The following MLLT10 variants were observed in gnomAD, a reference collection of about 807,000 sequenced individuals.
The protein encoded by MLLT10 is protein AF-10.
MLLT10 carries 30 observed loss-of-function variants against 129.1 expected under a neutral mutation model. That is an observed-to-expected ratio of 0.23 (90% CI 0.17 to 0.32). MLLT10 has a LOEUF of 0.32. MLLT10 is among the 10% of genes least tolerant of loss of function. The pLI is 1.00. For synonymous variants in MLLT10, 490 were observed against 446.4 expected, an observed-to-expected ratio of 1.10 and a Z score of -1.23; for missense variants, 1,119 against 1,268.3, an observed-to-expected ratio of 0.88 and a Z score of 1.79.
intron 3 of MLLT10, among the ~76,000 whole-genome samples, chr10:21,562,892 T>C (rs1588955293): frequency 7.2e-6 from 1 of 139,692 alleles, no homozygotes; most frequent in East Asian, 2.3e-4. Context: ...CGATCTTGGC[T>C]CACCACAGCC....
intron 5 of MLLT10, among the ~76,000 whole-genome samples, chr10:21,604,045 C>T (rs1360654398): frequency 6.6e-6 from 1 of 152,088 alleles, no homozygotes; most frequent in African/African-American, 2.4e-5. Context: ...AAGGACTTCA[C>T]ATACATTTCT....
At chr10:21,561,614 C>T (rs2038815948) in intron 3 of MLLT10, among the ~76,000 whole-genome samples, 1 of 152,102 alleles carries the variant, frequency 6.6e-6, no homozygotes, top group Non-Finnish European at 1.5e-5. Context: ...TTTTTGTGTG[C>T]AGTGTAAGAT....
intron 8 of MLLT10, among the ~76,000 whole-genome samples, chr10:21,640,215 T>C (rs1195974097): frequency 1.5e-5 from 2 of 136,026 alleles, no homozygotes; most frequent in South Asian, 2.1e-4. Flanking sequence ...TATTATATTA[T>C]ATTATATATT....
chr10:21,545,376 A>C (rs1472249920), intron 3 of MLLT10, among the ~76,000 whole-genome samples: 1 of 152,106 alleles, frequency 6.6e-6, no homozygotes, highest in African/African-American at 2.4e-5. Flanking sequence ...CTAGGTGTTC[A>C]GGAAAGAAAA....
chr10:21,685,472 T>A (rs1272693979), intron 13 of MLLT10, among the ~76,000 whole-genome samples: 1 of 152,044 alleles, frequency 6.6e-6, no homozygotes, highest in Non-Finnish European at 1.5e-5. Context: ...GTAGCTGGGA[T>A]TACAGGCGCC....
In MLLT10 at chr10:21,693,748, A is replaced by G. The variant is rs541340844; in HGVS notation, c.1699+11491A>G. Among the ~76,000 whole-genome samples, 39 of 152,306 alleles carry G rather than the reference A, an allele frequency of 2.6e-4. No homozygotes were observed. In the South Asian group the frequency reaches 6.8e-3, roughly 27 times the overall value. Reference sequence around the variant, plus strand: ...CTTTCTTCTGGAAGTTTTGTTAGGCATATTTGGATTTGAATACTGCCCTTA... The same window carrying G: ...CTTTCTTCTGGAAGTTTTGTTAGGCGTATTTGGATTTGAATACTGCCCTTA... On this transcript the variant is annotated intron_variant, in intron 13 of 22. Coordinates refer to ENST00000307729, the MANE Select transcript of MLLT10 (RefSeq NM_001195626.3).
intron 3 of MLLT10, among the ~76,000 whole-genome samples, chr10:21,555,055 A>G (rs2037707006): frequency 6.7e-6 from 1 of 149,968 alleles, no homozygotes; most frequent in Non-Finnish European, 1.5e-5. Flanking sequence ...TCCTGACCTC[A>G]GGTGATCCAC....
At chr10:21,641,636 C>G (rs958218997) in intron 8 of MLLT10, among the ~76,000 whole-genome samples, 1 of 152,086 alleles carries the variant, frequency 6.6e-6, no homozygotes, top group Non-Finnish European at 1.5e-5. Flanking sequence ...GCCTGGGTGG[C>G]AGAATGAGAC....
At chr10:21,594,648 G>A (rs547385338) in intron 4 of MLLT10, among the ~76,000 whole-genome samples, 1 of 147,534 alleles carries the variant, frequency 6.8e-6, no homozygotes, top group East Asian at 2.0e-4. Flanking sequence ...GCCAAAAACT[G>A]TACCTAGGAC....
chr10:21,539,358 C>G (rs1402829819), intron 3 of MLLT10, among the ~76,000 whole-genome samples: 1 of 151,264 alleles, frequency 6.6e-6, no homozygotes, highest in South Asian at 2.1e-4. Flanking sequence ...AGTTTAACTT[C>G]GAACACTCAC....
intron 12 of MLLT10, 95 bp downstream of exon 12, chr10:21,681,471 T>C: frequency 1.2e-6 from 1 of 808,058 alleles, no homozygotes; most frequent in Non-Finnish European, 2.0e-6. Flanking sequence ...TAAATTTTAA[T>C]ATTCCAAAAT....
chr10:21,616,267 G>T (rs995565486), intron 7 of MLLT10, among the ~76,000 whole-genome samples: 38 of 152,156 alleles, frequency 2.5e-4, no homozygotes, highest in Admixed American at 2.2e-3. Context: ...AATGGATTTT[G>T]AAGTTTGTGC....
chr10:21,549,299 A>G (rs1359096866), intron 3 of MLLT10, among the ~76,000 whole-genome samples: 3 of 151,526 alleles, frequency 2.0e-5, no homozygotes, highest in Non-Finnish European at 2.9e-5. Context: ...AATTTTTTGT[A>G]TTTTTAGTAG....
At chr10:21,656,792 A>G (rs2049631195) in intron 9 of MLLT10, among the ~76,000 whole-genome samples, 1 of 152,196 alleles carries the variant, frequency 6.6e-6, no homozygotes, top group South Asian at 2.1e-4. Context: ...ATACATAAGC[A>G]TTGTTCACTA....
chr10:21,681,227 A>T, intron 11 of MLLT10, 105 bp from the exon 12 acceptor site: 1 of 1,455,286 alleles, frequency 6.9e-7, no homozygotes, highest in Non-Finnish European at 9.5e-7. Context: ...CTACTTAACT[A>T]CACTTTTAGG....
At chr10:21,685,225 G>C (rs2131414575) in intron 13 of MLLT10, among the ~76,000 whole-genome samples, 1 of 152,126 alleles carries the variant, frequency 6.6e-6, no homozygotes, top group East Asian at 1.9e-4. Context: ...ATTTATTCTA[G>C]CAACTGATGC....
At chr10:21,553,944 C>T (rs987662119) in intron 3 of MLLT10, among the ~76,000 whole-genome samples, 6 of 152,136 alleles carry the variant, frequency 3.9e-5, no homozygotes, top group African/African-American at 1.4e-4. Context: ...GCCGCTGCAC[C>T]CAGCCGATTC....
At chr10:21,712,751 C>T (rs906587944) in intron 13 of MLLT10, among the ~76,000 whole-genome samples, 9 of 152,220 alleles carry the variant, frequency 5.9e-5, no homozygotes, top group African/African-American at 2.2e-4. Flanking sequence ...GCCAGTAGCA[C>T]CCTCCAGGCT....
At chr10:21,573,626 G>A (rs2040439223) in intron 3 of MLLT10, among the ~76,000 whole-genome samples, 1 of 151,380 alleles carries the variant, frequency 6.6e-6, no homozygotes, top group Admixed American at 6.6e-5. Flanking sequence ...GGGTACAGTG[G>A]CACAATCTCT....
Sources: allele counts gnomAD v4.1 joint callset (sites outside exome capture counted in the v4.1 genomes callset), GRCh38; gene constraint gnomAD v4.1.1; transcripts MANE v1.5; gene names NCBI Gene and HGNC (gene_info 2026-07-23, HGNC 2026-07-21).